FCHO1: variants seen among roughly 807,000 people sequenced by gnomAD.
FCHO1 encodes the protein FCH and mu domain containing endocytic adaptor 1, also known as F-BAR domain only protein 1.
In FCHO1, 45 loss-of-function variants were observed where a neutral mutation model predicts 114.4. That is an observed-to-expected ratio of 0.39 (90% CI 0.31 to 0.50). FCHO1 has a LOEUF of 0.50. FCHO1 is among the 20% of genes least tolerant of loss of function. FCHO1 has a pLI of 0.77. For synonymous variants in FCHO1, 480 were observed against 488.9 expected (o/e 0.98, Z 0.24); for missense variants, 1,042 against 1,209.6 (o/e 0.86, Z 2.06).
intron 18 of FCHO1, among the ~76,000 whole-genome samples, chr19:17,777,585 G>A (rs1029026354): frequency 3.9e-4 from 57 of 145,930 alleles, no homozygotes; most frequent in African/African-American, 1.2e-3. Flanking sequence ...GAGCATATTC[G>A]ATACTTCTAA....
chr19:17,778,187 G>A lies in FCHO1; in HGVS notation c.1310G>A (p.Gly437Glu), dbSNP rs777262065. 3.1e-6 allele frequency: 5 copies of A among 1,613,736 alleles called. No homozygotes were observed. The South Asian group carries it at 5.5e-5, about 18-fold the overall frequency. ...GAGCAGGTGTCCAAGAACCTCTTTG[G>A]GCCGCCCCTGGAGTCAGCCTTTGAC... ...SEEQVSKNLF[G>E]PPLESAFDHE... Residue 437 changes from glycine to glutamate, a missense_variant, in exon 19 of 29, where the codon GGG becomes GAG. Physicochemically the swap from Gly to Glu is moderately conservative, Grantham distance 98. This residue lies in a region of FCHO1 where 455 missense variants were observed against 455.4 expected (regional missense o/e 1.00). Coordinates refer to ENST00000596536, the MANE Select transcript of FCHO1 (RefSeq NM_015122.3).
rs1445998545 is a variant in FCHO1 at position 17,775,155 on chromosome 19, C to T, written c.945+75C>T. On this transcript the variant is annotated intron_variant, in intron 14 of 28. Transcript: ENST00000596536. The surrounding 1 kb of genome is among the most constrained non-coding windows in gnomAD (Gnocchi z 5.1). ...ATCCCACTCTTGGCTCCTAGAGTCC[C>T]GATCCCTACTGGAAACTAAAGAGCC... The T allele has an allele frequency of 6.7e-6, 10 of 1,490,044 alleles. No individual in the cohort carries two copies. Among genetic ancestry groups the T allele is most frequent in the Middle Eastern group, 1.8e-4 (1 of 5,710 alleles). 92.3% of individuals were successfully genotyped at this position (1,490,044 alleles called of 1,614,324 possible).
At chr19:17,751,110 G>T (rs1370887758), upstream of FCHO1, among the ~76,000 whole-genome samples, 1 of 152,038 alleles carries the variant, frequency 6.6e-6, no homozygotes, top group African/African-American at 2.4e-5. The surrounding 1 kb of genome is among the most constrained non-coding windows in gnomAD (Gnocchi z 4.4). Context: ...AAAGTGCTGG[G>T]ATTACAGGCG....
chr19:17,769,046 C>T (rs1025853202), intron 7 of FCHO1, among the ~76,000 whole-genome samples: 5 of 151,778 alleles, frequency 3.3e-5, no homozygotes, highest in Non-Finnish European at 5.9e-5. Context: ...GAGGCTGAGG[C>T]GGGCAGATCA....
intron 1 of FCHO1, among the ~76,000 whole-genome samples, chr19:17,752,978 A>G (rs1307163463): frequency 6.6e-6 from 1 of 151,984 alleles, no homozygotes; most frequent in African/African-American, 2.4e-5. Flanking sequence ...GCTACTCGGG[A>G]GGCTACTATT....
Position 17,788,553 on chromosome 19 carries a change from G to C in FCHO1, c.*247G>C, listed in dbSNP as rs2094114885. On this transcript the variant is annotated 3_prime_UTR_variant, in exon 29 of 29. Coordinates refer to ENST00000596536, the MANE Select transcript of FCHO1 (RefSeq NM_015122.3). ...CTTTATTTTCTAATAAAATAAAAAA[G>C]GAAACCTTTTCCTGCTCCAGGAAGT... 1.9e-6 allele frequency: 1 copy of C among 522,854 alleles called. No individual in the cohort carries two copies. Among genetic ancestry groups the C allele is most frequent in the African/African-American group, 2.0e-5 (1 of 50,688 alleles). 32.4% of individuals were successfully genotyped at this position (522,854 alleles called of 1,614,324 possible). A position where few individuals can be genotyped will look rare whatever the true frequency, so the allele number is the denominator to read the frequency against.
intron 9 of FCHO1, among the ~76,000 whole-genome samples, chr19:17,771,916 G>A (rs2091700223): frequency 6.6e-6 from 1 of 151,992 alleles, no homozygotes; most frequent in South Asian, 2.1e-4. Context: ...GGGCTCAAGT[G>A]ATTCTCCTGC....
At position 17,766,148 on chromosome 19, in the gene FCHO1, C is replaced by T. The variant is rs1002390984; in HGVS notation, c.195-521C>T. On this transcript the variant is annotated intron_variant, in intron 6 of 28. Coordinates refer to ENST00000596536, the MANE Select transcript of FCHO1 (RefSeq NM_015122.3). ...CTTGTGATCTGCCCACCTCAGCCTC[C>T]CAAAGTGCTGGGATTACAGGCGTGA... 4.0e-5 allele frequency among the ~76,000 whole-genome samples: 6 copies of T among 150,844 alleles called. No homozygotes were observed. The East Asian group carries it at 1.2e-3, about 29-fold the overall frequency.
intron 5 of FCHO1, 67 bp downstream of exon 5, chr19:17,762,920 G>C: frequency 9.3e-7 from 1 of 1,070,288 alleles, no homozygotes; most frequent in Non-Finnish European, 1.5e-6. Flanking sequence ...CCACCTAATG[G>C]CTACGCCCTG....
chr19:17,761,079 G>A (rs984660939), intron 4 of FCHO1, among the ~76,000 whole-genome samples: 29 of 152,172 alleles, frequency 1.9e-4, no homozygotes, highest in African/African-American at 6.8e-4. Context: ...ATTTTGTGAA[G>A]GCATTCGCAG....
rs374509300 is a variant in FCHO1, at chr19:17,774,266, C to T, written c.818C>T (p.Ala273Val). The change falls in exon 12 of 29, where the codon GCG (alanine) becomes GTG (valine). Residue 273 changes from alanine (A) to valine (V), a missense_variant. Ala to Val is a moderately conservative substitution (Grantham distance 64). Transcript: ENST00000596536. ...CCTCTGGACTTCGAGGCATACAGTG[C>T]GGCTGCCCTGCAGGAAGGCAAGTAC... is the stretch of plus-strand genomic sequence containing the variant. ...PGPLDFEAYS[A>V]AALQEAMKRL... The T allele has an allele frequency of 2.5e-5, 40 of 1,613,924 alleles. No individual in the cohort carries two copies. The highest frequency in any genetic ancestry group is 3.1e-5 in the Non-Finnish European group (36 of 1,180,010).
intron 13 of FCHO1, chr19:17,774,729 C>A: frequency 3.4e-6 from 2 of 588,088 alleles, no homozygotes; most frequent in Middle Eastern, 4.5e-4. Flanking sequence ...CCCAGAGTAA[C>A]GTAGCATCTT....
At chr19:17,762,952 TGG>T in intron 5 of FCHO1, 99 bp downstream of exon 5, 1 of 817,526 alleles carries the variant, frequency 1.2e-6, no homozygotes. Flanking sequence ...GCTAGAACCC[TGG>T]GGATTCCAGG....
chr19:17,757,705 A>G (rs1439067617), intron 4 of FCHO1, among the ~76,000 whole-genome samples: 1 of 152,156 alleles, frequency 6.6e-6, no homozygotes, highest in Non-Finnish European at 1.5e-5. Context: ...GCCTGAGCCC[A>G]GGACTTTGAG....
At position 17,763,501 on chromosome 19, in the gene FCHO1, C is replaced by T. The variant is rs542944267; in HGVS notation, c.119+648C>T. Among the ~76,000 whole-genome samples the T allele has an allele frequency of 8.4e-4, 127 of 150,712 alleles. 4 individuals carry two copies. The East Asian group carries it at 0.017, about 20-fold the overall frequency. On this transcript the variant is annotated intron_variant, in intron 5 of 28. Transcript: ENST00000596536. ...CGGGTCTCAAACTCCTGACCTCAGGCGATCCGCCCGCCTCAGCCTCCAAAA... is the reference window on the plus strand; with the variant it reads ...CGGGTCTCAAACTCCTGACCTCAGGTGATCCGCCCGCCTCAGCCTCCAAAA...
rs544351378 is a variant in FCHO1, at chr19:17,755,200, C to G, written c.27+9C>G. The G allele has an allele frequency of 2.5e-6, 4 of 1,605,922 alleles. No individual in the cohort carries two copies. The highest frequency in any genetic ancestry group is 3.4e-6 in the Non-Finnish European group (4 of 1,175,760). Reference sequence around the variant, plus strand: ...TTGGGGAGCATTTTTGGGTAAGACCCACTCTTATTTAGGCGGGGGATGCTG... The same window carrying G: ...TTGGGGAGCATTTTTGGGTAAGACCGACTCTTATTTAGGCGGGGGATGCTG... On this transcript the variant is annotated intron_variant, in intron 4 of 28. Coordinates refer to ENST00000596536, the MANE Select transcript of FCHO1 (RefSeq NM_015122.3).
chr19:17,788,121 C>G, intron 28 of FCHO1, 163 bp from the exon 29 acceptor site: 3 of 672,208 alleles, frequency 4.5e-6, no homozygotes, highest in Non-Finnish European at 8.1e-6. Flanking sequence ...TGTTCTCCTG[C>G]CCCCAACAAG....
chr19:17,754,042 C>A (rs960397666), intron 1 of FCHO1, among the ~76,000 whole-genome samples: 1 of 152,192 alleles, frequency 6.6e-6, no homozygotes, highest in South Asian at 2.1e-4. Flanking sequence ...TCAGTCCTTT[C>A]CTGGGGAGGC....
chr19:17,758,480 G>C (rs1325679176), intron 4 of FCHO1, among the ~76,000 whole-genome samples: 3 of 152,164 alleles, frequency 2.0e-5, no homozygotes, highest in African/African-American at 7.2e-5. Context: ...TAGGAGATGA[G>C]GCTGGAGCAG....
Sources: allele counts gnomAD v4.1 joint callset (sites outside exome capture counted in the v4.1 genomes callset), GRCh38; gene constraint gnomAD v4.1.1; regional missense constraint gnomAD v4.1.1; non-coding constraint Gnocchi (gnomAD v3.1); transcripts MANE v1.5; gene names NCBI Gene and HGNC (gene_info 2026-07-23, HGNC 2026-07-21).